Variants in FBXO25 observed in about 807,000 individuals in gnomAD.
FBXO25 encodes the protein F-box protein 25, also known as F-box only protein 25.
In FBXO25, 45 loss-of-function variants were observed where a neutral mutation model predicts 51.9. That is an observed-to-expected ratio of 0.87 (90% CI 0.68 to 1.11). The LOEUF (loss-of-function observed/expected upper bound fraction) is 1.11. Among genes scored for constraint, FBXO25 ranks in the 50% most tolerant of loss-of-function variants. The pLI is 0.00. For missense variants in FBXO25, 507 were observed against 428.5 expected (o/e 1.18, Z -1.62); for synonymous variants, 199 against 151.0 (o/e 1.32, Z -2.33).
chr8:440,538 C>A (rs2116645859), intron 5 of FBXO25, among the ~76,000 whole-genome samples: 1 of 152,056 alleles, frequency 6.6e-6, no homozygotes, highest in East Asian at 1.9e-4. Flanking sequence ...CTTTGATTTT[C>A]CTCTGATGTA....
intron 1 of FBXO25, among the ~76,000 whole-genome samples, chr8:412,180 C>T (rs1796517669): frequency 6.6e-6 from 1 of 152,172 alleles, no homozygotes; most frequent in Non-Finnish European, 1.5e-5. Context: ...TCAAACTGAA[C>T]AGGCATGTCC....
intron 2 of FBXO25, among the ~76,000 whole-genome samples, chr8:420,869 C>T (rs142914724): frequency 2.6e-5 from 4 of 152,270 alleles, no homozygotes; most frequent in African/African-American, 7.2e-5. Context: ...CTGTCAAAAC[C>T]CATGGAACTG....
rs377199739 is a variant in FBXO25 at position 458,322 on chromosome 8, A to G, written c.661-47A>G. On this transcript the variant is annotated intron_variant, in intron 7 of 9. Coordinates refer to ENST00000350302, the MANE Select transcript of FBXO25 (RefSeq NM_183420.2). Reference sequence around the variant, plus strand: ...TGACTCTTCAGTTACTGTGTGAACAAACATTGGCCATCTTCTCAGTGAGTT... The same window carrying G: ...TGACTCTTCAGTTACTGTGTGAACAGACATTGGCCATCTTCTCAGTGAGTT... 643 of 1,588,194 alleles carry G rather than the reference A, an allele frequency of 4.0e-4. 11 individuals are homozygous for G. In the South Asian group the frequency reaches 7.1e-3, roughly 17 times the overall value.
intron 5 of FBXO25, among the ~76,000 whole-genome samples, chr8:440,718 C>A (rs994330914): frequency 6.6e-6 from 1 of 151,996 alleles, no homozygotes; most frequent in Non-Finnish European, 1.5e-5. Context: ...GGTATTTCTC[C>A]TAATGCTATC....
chr8:445,288 G>T (rs1394517554), intron 5 of FBXO25, among the ~76,000 whole-genome samples: 2 of 152,144 alleles, frequency 1.3e-5, no homozygotes, highest in Non-Finnish European at 2.9e-5. Context: ...TTTAAAACAT[G>T]ATATTAAAGA....
intron 6 of FBXO25, 50 bp downstream of exon 6, chr8:450,133 G>A: frequency 1.5e-6 from 2 of 1,376,036 alleles, no homozygotes; most frequent in Non-Finnish European, 2.0e-6. Flanking sequence ...TTAGAAATTT[G>A]GTGCAAGGAG....
At chr8:420,165 C>T (rs1179617732) in intron 2 of FBXO25, among the ~76,000 whole-genome samples, 1 of 152,074 alleles carries the variant, frequency 6.6e-6, no homozygotes, top group Admixed American at 6.5e-5. Flanking sequence ...ACAGTATGTT[C>T]TGGGGAATGA....
chr8:431,961 T>C (rs1797842868), intron 3 of FBXO25, among the ~76,000 whole-genome samples: 1 of 152,204 alleles, frequency 6.6e-6, no homozygotes, highest in Admixed American at 6.5e-5. Context: ...CTCCAGTGGA[T>C]GCCTGAAACT....
At chr8:436,323 T>C (rs1046420703) in intron 5 of FBXO25, among the ~76,000 whole-genome samples, 2 of 152,200 alleles carry the variant, frequency 1.3e-5, no homozygotes, top group Non-Finnish European at 2.9e-5. Context: ...ATGGATAAAA[T>C]AGAAGCTATA....
chr8:462,094 A>C (rs1373780456), intron 8 of FBXO25, among the ~76,000 whole-genome samples: 1 of 152,184 alleles, frequency 6.6e-6, no homozygotes, highest in African/African-American at 2.4e-5. Flanking sequence ...AAGTGGCTGC[A>C]CCATTTCACA....
chr8:422,526 G>T (rs1797219161), intron 2 of FBXO25, among the ~76,000 whole-genome samples: 2 of 152,158 alleles, frequency 1.3e-5, no homozygotes, highest in African/African-American at 4.8e-5. Context: ...AACAAAGCCT[G>T]TGGTTGAGCT....
chr8:426,953 CTT>C (rs1263259679), intron 2 of FBXO25, among the ~76,000 whole-genome samples: 1 of 149,654 alleles, frequency 6.7e-6, no homozygotes, highest in Admixed American at 6.7e-5. Flanking sequence ...TTTTTTTTAA[CTT>C]ATATAAAATT....
rs1423517564 is a variant in FBXO25, at chr8:469,957, A to AAATT, written c.*1155_*1158dup. On this transcript the variant is annotated 3_prime_UTR_variant, in exon 10 of 10. Transcript: ENST00000350302. ...ATGGCCAAGAATGCATTTATTTGTC[A>AAATT]AATTATAGTTTCTCCTGAGGCGATG... 5 of 152,234 alleles carry AAATT rather than the reference A, an allele frequency of 3.3e-5. No homozygotes were observed. Among genetic ancestry groups the AAATT allele is most frequent in the African/African-American group, 9.6e-5 (4 of 41,458 alleles). 9.4% of individuals were successfully genotyped at this position (152,234 alleles called of 1,614,324 possible).
intron 7 of FBXO25, among the ~76,000 whole-genome samples, chr8:454,750 G>C (rs927644744): frequency 1.3e-5 from 2 of 151,986 alleles, no homozygotes; most frequent in African/African-American, 4.8e-5. Flanking sequence ...AATTAGCCGG[G>C]CGTGGTGGGA....
chr8:407,597 C>T (rs1796237592), intron 1 of FBXO25, among the ~76,000 whole-genome samples: 2 of 152,052 alleles, frequency 1.3e-5, no homozygotes, highest in East Asian at 1.9e-4. Flanking sequence ...AGCTTGTGTC[C>T]GCCTCGCTGG....
intron 5 of FBXO25, among the ~76,000 whole-genome samples, chr8:448,238 A>C (rs950517191): frequency 6.6e-6 from 1 of 152,160 alleles, no homozygotes; most frequent in Non-Finnish European, 1.5e-5. Flanking sequence ...AATAGATGGA[A>C]GTGTACATTG....
At chr8:467,094 G>T (rs1351503575) in intron 9 of FBXO25, among the ~76,000 whole-genome samples, 1 of 152,168 alleles carries the variant, frequency 6.6e-6, no homozygotes, top group Non-Finnish European at 1.5e-5. Context: ...GGTGTCCATG[G>T]TCTGGTGGTC....
At chr8:422,340 C>G (rs1336343122) in intron 2 of FBXO25, among the ~76,000 whole-genome samples, 1 of 152,210 alleles carries the variant, frequency 6.6e-6, no homozygotes, top group East Asian at 1.9e-4. Flanking sequence ...AAACAGCAGA[C>G]AAACCTAATT....
At chr8:437,626 C>T (rs183281330) in intron 5 of FBXO25, among the ~76,000 whole-genome samples, 162 of 152,362 alleles carry the variant, frequency 1.1e-3, no homozygotes, top group Non-Finnish European at 2.0e-3. Flanking sequence ...TGTGGTAAAG[C>T]CTGAGCCTGT....
Sources: gnomAD v4.1 joint callset for allele counts (sites outside exome capture counted in the v4.1 genomes callset) on GRCh38, gnomAD v4.1.1 for gene constraint, MANE v1.5 for transcripts, NCBI Gene and HGNC (gene_info 2026-07-23, HGNC 2026-07-21) for gene names.